Variants in CRABP1 observed in about 807,000 individuals in gnomAD.
The protein encoded by CRABP1 is cellular retinoic acid-binding protein 1.
A neutral mutation model predicts 16.4 loss-of-function variants in CRABP1; 9 were observed. That is an observed-to-expected ratio of 0.55 (90% CI 0.33 to 0.96). The LOEUF is 0.96. Ranked by LOEUF, CRABP1 falls within the 40% of genes least tolerant of loss-of-function variation. The probability of loss-of-function intolerance (pLI) is 0.03; values close to 1 mark genes in which losing one functional copy is unlikely to be tolerated. For missense variants in CRABP1, 157 were observed against 186.0 expected (o/e 0.84, Z 0.91); for synonymous variants, 72 against 70.4 (o/e 1.02, Z -0.11).
At chr15:78,344,588 A>C (rs527362546) in intron 3 of CRABP1, among the ~76,000 whole-genome samples, 61 of 152,116 alleles carry the variant, frequency 4.0e-4, no homozygotes, top group South Asian at 3.9e-3. Flanking sequence ...TTAGGTAGAG[A>C]ACAAAGGAAG....
chr15:78,340,636 T>TGGGAGACAAGGCGA, intron 1 of CRABP1, 138 bp downstream of exon 1: 1 of 957,422 alleles, frequency 1.0e-6, no homozygotes, highest in Non-Finnish European at 1.5e-6. Flanking sequence ...ATAGATCGCC[T>TGGGAGACAAGGCGA]TGTCTCCCAG....
rs1451524286 is a variant in CRABP1 at position 78,348,168 on chromosome 15, TC to T, written c.*193del. ...TTGGTGCCTCTTGTATCCCTAGTGC[TC>T]CATAGTTTGGCATTTGCACGGTTTC... On this transcript the variant is annotated 3_prime_UTR_variant, in exon 4 of 4. Transcript: ENST00000299529. The T allele has an allele frequency of 1.7e-6, 1 of 597,360 alleles. No homozygotes were observed. Among genetic ancestry groups the T allele is most frequent in the African/African-American group, 1.9e-5 (1 of 53,278 alleles). 37.0% of individuals were successfully genotyped at this position (597,360 alleles called of 1,614,324 possible). A position where few individuals can be genotyped will look rare whatever the true frequency, so the allele number is the denominator to read the frequency against.
chr15:78,343,586 G>A lies in CRABP1; in HGVS notation c.337G>A (p.Glu113Lys). Residue 113 changes from glutamate (E) to lysine (K), a missense_variant, in exon 3 of 4, where the codon GAG becomes AAG. By Grantham distance (56) the Glu-to-Lys change is moderately conservative. Transcript: ENST00000299529. ...CGGCCCCAAAACCTACTGGACCCGT[G>A]AGCTGGCCAACGATGAACTTATCCT... ...GDGPKTYWTRELANDELILTF... is the reference protein window; with the variant it reads ...GDGPKTYWTRKLANDELILTF... The A allele has an allele frequency of 6.2e-7, 1 of 1,614,176 alleles. No individual in the cohort carries two copies. The highest frequency in any genetic ancestry group is 8.5e-7 in the Non-Finnish European group (1 of 1,180,016).
chr15:78,346,877 C>A (rs1290196491), intron 3 of CRABP1, among the ~76,000 whole-genome samples: 1 of 152,064 alleles, frequency 6.6e-6, no homozygotes, highest in Non-Finnish European at 1.5e-5. Flanking sequence ...AATTTCAGGC[C>A]ACTTTAAGAA....
chr15:78,346,329 C>T (rs2050265218), intron 3 of CRABP1, among the ~76,000 whole-genome samples: 1 of 152,126 alleles, frequency 6.6e-6, no homozygotes, highest in Non-Finnish European at 1.5e-5. Context: ...CAAAGGTGTC[C>T]AGGAGTGGGT....
chr15:78,346,294 C>T (rs2050265029), intron 3 of CRABP1, among the ~76,000 whole-genome samples: 1 of 152,194 alleles, frequency 6.6e-6, no homozygotes, highest in South Asian at 2.1e-4. Flanking sequence ...ACCTGCATTT[C>T]TTCCCAATAG....
chr15:78,342,642 T>A (rs1689279916), intron 2 of CRABP1, among the ~76,000 whole-genome samples: 1 of 152,096 alleles, frequency 6.6e-6, no homozygotes, highest in African/African-American at 2.4e-5. Flanking sequence ...CTTTTTAAAT[T>A]TTTTCTAAAG....
At chr15:78,340,622 G>A (rs2050227523) in intron 1 of CRABP1, 124 bp downstream of exon 1, 10 of 1,103,010 alleles carry the variant, frequency 9.1e-6, no homozygotes, top group Middle Eastern at 6.1e-4. Flanking sequence ...GAGTCCCCGG[G>A]GCAATAGATC....
intron 1 of CRABP1, 77 bp downstream of exon 1, chr15:78,340,575 C>A: frequency 6.6e-7 from 1 of 1,521,444 alleles, no homozygotes; most frequent in East Asian, 2.4e-5. Context: ...TGCCCCGGTC[C>A]TGGAGGGGGT....
At chr15:78,344,561 C>T (rs2050254673) in intron 3 of CRABP1, among the ~76,000 whole-genome samples, 1 of 152,094 alleles carries the variant, frequency 6.6e-6, no homozygotes, top group Admixed American at 6.5e-5. Context: ...TTTAAGCACA[C>T]ACTTCCTCCC....
At chr15:78,346,806 G>A (rs191247319) in intron 3 of CRABP1, among the ~76,000 whole-genome samples, 28 of 152,252 alleles carry the variant, frequency 1.8e-4, no homozygotes, top group Non-Finnish European at 2.9e-5. Flanking sequence ...AGATGGCAGG[G>A]TAAGAATATA....
chr15:78,342,917 T>G (rs1157209510), intron 2 of CRABP1, among the ~76,000 whole-genome samples: 23 of 152,126 alleles, frequency 1.5e-4, no homozygotes, highest in Admixed American at 1.4e-3. Flanking sequence ...GGTCAGGAGT[T>G]CGAGACCAGC....
chr15:78,340,494 A>G lies in CRABP1; in HGVS notation c.66A>G (p.Ala22=), dbSNP rs747184677. ...SSENFDELLK[A]LGVNAMLRKV... The stretch of plus-strand genomic sequence containing the variant: ...AGAATTTCGACGAGCTGCTCAAGGC[A>G]CTGGGTAAGCTGGTGCAGAGGGCGC... Residue 22 remains alanine (A), a synonymous_variant, in exon 1 of 4, where the codon GCA becomes GCG. Transcript: ENST00000299529. 2.5e-6 allele frequency: 4 copies of G among 1,608,064 alleles called. No homozygotes were observed. The highest frequency in any genetic ancestry group is 3.4e-6 in the Non-Finnish European group (4 of 1,178,518).
intron 2 of CRABP1, among the ~76,000 whole-genome samples, chr15:78,342,048 A>G (rs1720995186): frequency 6.6e-6 from 1 of 151,990 alleles, no homozygotes; most frequent in Admixed American, 6.6e-5. Context: ...AGAGTGGGAA[A>G]TTGTTTCTTT....
chr15:78,346,993 GTTTTTTTTTTTT>G (rs60882314), intron 3 of CRABP1, among the ~76,000 whole-genome samples: 1 of 140,424 alleles, frequency 7.1e-6, no homozygotes, highest in Non-Finnish European at 1.6e-5. Context: ...TTTTGTTTTT[GTTTTTTTTTTTT>G]TTAACATACA....
intron 3 of CRABP1, 52 bp from the exon 4 acceptor site, chr15:78,347,875 T>C (rs1020762540): frequency 6.3e-7 from 1 of 1,583,084 alleles, no homozygotes; most frequent in African/African-American, 1.3e-5. Context: ...GCTTTAAACA[T>C]TTTTGCACAG....
At position 78,343,595 on chromosome 15, in the gene CRABP1, A is replaced by G; in HGVS notation, c.346A>G (p.Asn116Asp). The change falls in exon 3 of 4, where the codon AAC (asparagine) becomes GAC (aspartate). Residue 116 changes from asparagine (N) to aspartate (D), a missense_variant. Transcript: ENST00000299529. The part of the protein sequence containing the change: ...PKTYWTRELA[N>D]DELILTFGAD... ...AACCTACTGGACCCGTGAGCTGGCC[A>G]ACGATGAACTTATCCTGGTAGGGAA... 1 of 1,614,142 alleles carries G rather than the reference A, an allele frequency of 6.2e-7. No homozygotes were observed. Among genetic ancestry groups the G allele is most frequent in the Non-Finnish European group, 8.5e-7 (1 of 1,180,002 alleles).
chr15:78,341,226 G>A lies in CRABP1; in HGVS notation c.249+5G>A. The A allele has an allele frequency of 6.2e-7, 1 of 1,606,252 alleles. No individual in the cohort carries two copies. Among genetic ancestry groups the A allele is most frequent in the Middle Eastern group, 1.7e-4 (1 of 6,040 alleles). On this transcript the variant is annotated splice_donor_5th_base_variant and intron_variant, in intron 2 of 3. Coordinates refer to ENST00000299529, the MANE Select transcript of CRABP1 (RefSeq NM_004378.3). This position sits in a 1 kb window ranked among gnomAD's most constrained non-coding sequence, Gnocchi z 5.3. Reference sequence around the variant, plus strand: ...GTGGACGGACGCAAGTGCAGGGTGAGGCCCCAGAGCCACTACAGCGTCCCC... The same window carrying A: ...GTGGACGGACGCAAGTGCAGGGTGAAGCCCCAGAGCCACTACAGCGTCCCC...
At chr15:78,340,622 G>GTCCCC in intron 1 of CRABP1, 124 bp downstream of exon 1, 1 of 1,103,006 alleles carries the variant, frequency 9.1e-7, no homozygotes, top group South Asian at 1.6e-5. Context: ...GAGTCCCCGG[G>GTCCCC]GCAATAGATC....
Sources: gnomAD v4.1 joint callset for allele counts (sites outside exome capture counted in the v4.1 genomes callset) on GRCh38, gnomAD v4.1.1 for gene constraint, Gnocchi (gnomAD v3.1) non-coding constraint, MANE v1.5 for transcripts, NCBI Gene and HGNC (gene_info 2026-07-23, HGNC 2026-07-21) for gene names.